AXIN1: variants seen among roughly 807,000 people sequenced by gnomAD.
AXIN1 encodes the protein axin-1.
Under a neutral mutation model 76.4 loss-of-function variants are expected in AXIN1, and 30 were observed. That is an observed-to-expected ratio of 0.39 (90% CI 0.29 to 0.53). AXIN1 has a LOEUF of 0.53. AXIN1 is among the 20% of genes least tolerant of loss of function. The probability of loss-of-function intolerance (pLI) is 0.66; values close to 1 mark genes in which losing one functional copy is unlikely to be tolerated. For missense variants in AXIN1, 1,140 were observed against 1,198.8 expected (o/e 0.95, Z 0.72); for synonymous variants, 545 against 501.4 (o/e 1.09, Z -1.16).
Position 304,436 on chromosome 16 carries a change from C to G in AXIN1, c.1122G>C (p.Thr374=), listed in dbSNP as rs199812769. The change falls in exon 5 of 11, where the codon ACG becomes ACC. Residue 374 remains threonine, a synonymous_variant. Coordinates refer to ENST00000262320, the MANE Select transcript of AXIN1 (RefSeq NM_003502.4). ...CGCGGACCTCCTTCGGCACCCGGTA[C>G]GTGCGCTGCGAGGGACAGGACTGTG... ...GRVPLPHIPR[T]YRVPKEVRVE... The G allele has an allele frequency of 7.4e-6, 12 of 1,612,600 alleles. No individual in the cohort carries two copies. In the African/African-American group the frequency reaches 1.3e-4, roughly 18 times the overall value.
chr16:331,631 G>A (rs2053692309), intron 2 of AXIN1, among the ~76,000 whole-genome samples: 2 of 152,322 alleles, frequency 1.3e-5, no homozygotes, highest in Middle Eastern at 3.4e-3. Flanking sequence ...GCAGTAAGCG[G>A]ACGCATAACA....
Position 326,937 on chromosome 16 carries a change from G to C in AXIN1, c.879-12254C>G, listed in dbSNP as rs142652563. On this transcript the variant is annotated intron_variant, in intron 2 of 10. Transcript: ENST00000262320. Reference sequence around the variant, plus strand: ...GGGGGGATCACGAGGTCAGGAGATGGAGACCATCCTGGCTAACACGGTGAA... The same window carrying C: ...GGGGGGATCACGAGGTCAGGAGATGCAGACCATCCTGGCTAACACGGTGAA... Among the ~76,000 whole-genome samples the C allele has an allele frequency of 2.7e-3, 408 of 151,688 alleles. 6 individuals are homozygous for C. Among genetic ancestry groups the C allele is most frequent in the African/African-American group, 9.2e-3 (381 of 41,356 alleles).
intron 2 of AXIN1, among the ~76,000 whole-genome samples, chr16:334,635 A>ACGC: frequency 6.6e-6 from 1 of 151,480 alleles, no homozygotes; most frequent in Middle Eastern, 3.4e-3. Context: ...GTAGCACAGC[A>ACGC]CGCCAATAAT....
chr16:287,692 G>A lies in AXIN1; in HGVS notation c.*430C>T, dbSNP rs541552430. 23 of 340,200 alleles carry A rather than the reference G, an allele frequency of 6.8e-5. No homozygotes were observed. The highest frequency in any genetic ancestry group is 8.9e-5 in the Non-Finnish European group (16 of 180,122). The allele number at this position is 340,200 out of a possible 1,614,324, so 21.1% of individuals were successfully genotyped here. ...GAGACAAGCTGTGTTGAAGGCACTC[G>A]GTGGCGCGTACAATTGACAGAGGCC... is the stretch of plus-strand genomic sequence containing the variant. On this transcript the variant is annotated 3_prime_UTR_variant, in exon 11 of 11. Transcript: ENST00000262320.
chr16:307,815 T>C (rs2053067321), intron 4 of AXIN1, among the ~76,000 whole-genome samples: 1 of 152,208 alleles, frequency 6.6e-6, no homozygotes, highest in Non-Finnish European at 1.5e-5. Context: ...CCACGGCACG[T>C]CCTGCTAGCT....
rs34396403 is a variant in AXIN1, at chr16:287,827, TG to T, written c.*294del. 4,749 of 480,300 alleles carry T rather than the reference TG, an allele frequency of 9.9e-3. 68 individuals are homozygous for T. The highest frequency in any genetic ancestry group is 0.047 in the African/African-American group (2,393 of 51,172). The allele number at this position is 480,300 out of a possible 1,614,324, so 29.8% of individuals were successfully genotyped here. On this transcript the variant is annotated 3_prime_UTR_variant, in exon 11 of 11. Coordinates refer to ENST00000262320, the MANE Select transcript of AXIN1 (RefSeq NM_003502.4). ...CGTGCCCAAGGGAGGTGCCGGGGGA[TG>T]GGGGGGGGTCACCTGAAGCTGGCAG...
intron 2 of AXIN1, among the ~76,000 whole-genome samples, chr16:336,833 A>C (rs1382856868): frequency 2.0e-5 from 3 of 149,840 alleles, no homozygotes; most frequent in East Asian, 3.9e-4. Context: ...AAAAAAAAAA[A>C]ACAAAACATA....
Position 293,833 on chromosome 16 carries a change from C to T in AXIN1, c.1956-115G>A. On this transcript the variant is annotated intron_variant, in intron 7 of 10. Transcript: ENST00000262320. The surrounding 1 kb of genome is among the most constrained non-coding windows in gnomAD (Gnocchi z 4.6). ...CCTTGAGGGATAGGATGGGATGGGG[C>T]ACTGGGGCCTGGCCACCAAGCCACA... The T allele has an allele frequency of 7.7e-6, 8 of 1,033,244 alleles. No individual in the cohort carries two copies. In the South Asian group the frequency reaches 1.0e-4, roughly 13 times the overall value. 64.0% of individuals were successfully genotyped at this position (1,033,244 alleles called of 1,614,324 possible).
At chr16:295,059 G>A (rs1357692342) in intron 7 of AXIN1, among the ~76,000 whole-genome samples, 1 of 130,120 alleles carries the variant, frequency 7.7e-6, no homozygotes, top group East Asian at 2.4e-4. Context: ...GCAAGACTCC[G>A]TCTCAAAAAA....
At chr16:339,484 CTTG>C (rs2053872456) in intron 2 of AXIN1, among the ~76,000 whole-genome samples, 2 of 146,286 alleles carry the variant, frequency 1.4e-5, no homozygotes, top group South Asian at 4.3e-4. Context: ...GCACTCCAGC[CTTG>C]GCGATAGAGC....
At chr16:327,414 C>T (rs1187894568) in intron 2 of AXIN1, among the ~76,000 whole-genome samples, 1 of 152,268 alleles carries the variant, frequency 6.6e-6, no homozygotes, top group African/African-American at 2.4e-5. Flanking sequence ...GAGCTTCCGG[C>T]TCAGCCCTGC....
At chr16:291,812 C>A in intron 8 of AXIN1, 1 of 213,234 alleles carries the variant, frequency 4.7e-6, no homozygotes, top group Middle Eastern at 1.9e-3. Context: ...GTACACTGGG[C>A]GACCTTGATG....
At chr16:320,674 T>C (rs538307189) in intron 2 of AXIN1, among the ~76,000 whole-genome samples, 2 of 150,180 alleles carry the variant, frequency 1.3e-5, no homozygotes, top group Non-Finnish European at 3.0e-5. Context: ...TATGTAAATG[T>C]ATATATGTGT....
At chr16:331,016 G>A (rs1351238101) in intron 2 of AXIN1, among the ~76,000 whole-genome samples, 2 of 152,158 alleles carry the variant, frequency 1.3e-5, no homozygotes, top group East Asian at 1.9e-4. Flanking sequence ...CAAGTCTCAC[G>A]CCAGCCTCAG....
At chr16:342,080 C>T (rs2053935831) in intron 2 of AXIN1, among the ~76,000 whole-genome samples, 2 of 152,222 alleles carry the variant, frequency 1.3e-5, no homozygotes, top group South Asian at 2.1e-4. Flanking sequence ...GCAGTGGTAA[C>T]TCGCTCGGGT....
At chr16:350,313 A>C (rs2054116663) in intron 1 of AXIN1, among the ~76,000 whole-genome samples, 1 of 152,200 alleles carries the variant, frequency 6.6e-6, no homozygotes, top group African/African-American at 2.4e-5. Context: ...ACACACAAGT[A>C]CACACCACAC....
At chr16:303,097 A>G (rs1378925769) in intron 5 of AXIN1, among the ~76,000 whole-genome samples, 2 of 152,056 alleles carry the variant, frequency 1.3e-5, no homozygotes, top group East Asian at 3.9e-4. Context: ...CCTCGGCTCA[A>G]GTGCTTCACT....
At chr16:326,371 AAAT>A (rs1367188126) in intron 2 of AXIN1, among the ~76,000 whole-genome samples, 57 of 82,570 alleles carry the variant, frequency 6.9e-4, no homozygotes, top group African/African-American at 3.8e-3. Flanking sequence ...AAAAAAAAAA[AAAT>A]ATATATATAT....
At chr16:306,387 G>A (rs527433952) in intron 4 of AXIN1, among the ~76,000 whole-genome samples, 20 of 152,270 alleles carry the variant, frequency 1.3e-4, no homozygotes, top group East Asian at 3.9e-4. Context: ...AATCCAGGCC[G>A]CCAGTGTCTA....
Sources: gnomAD v4.1 joint callset for allele counts (sites outside exome capture counted in the v4.1 genomes callset) on GRCh38, gnomAD v4.1.1 for gene constraint, Gnocchi (gnomAD v3.1) non-coding constraint, MANE v1.5 for transcripts, NCBI Gene and HGNC (gene_info 2026-07-23, HGNC 2026-07-21) for gene names.